The following ANKFN1 variants were observed in gnomAD, a reference collection of about 807,000 sequenced individuals.
ANKFN1 encodes ankyrin repeat and fibronectin type-III domain-containing protein 1.
A neutral mutation model predicts 108.7 loss-of-function variants in ANKFN1; 74 were observed. The observed-to-expected ratio is 0.68, with a 90% confidence interval of 0.56 to 0.83. The LOEUF is 0.83. Ranked by LOEUF, ANKFN1 falls within the 40% of genes least tolerant of loss-of-function variation. The pLI, the probability that ANKFN1 is intolerant of heterozygous loss-of-function variation, is 0.00. For synonymous variants in ANKFN1, 547 were observed against 516.2 expected, an observed-to-expected ratio of 1.06 and a Z score of -0.81; for missense variants, 1,505 against 1,382.3, an observed-to-expected ratio of 1.09 and a Z score of -1.41.
At chr17:56,381,755 G>A (rs537997722) in intron 8 of ANKFN1, among the ~76,000 whole-genome samples, 7 of 152,228 alleles carry the variant, frequency 4.6e-5, no homozygotes, top group East Asian at 3.9e-4. Flanking sequence ...AAAAAGAAAC[G>A]AACAAAGCCT....
chr17:56,382,977 A>G (rs1434503892), intron 8 of ANKFN1, among the ~76,000 whole-genome samples: 1 of 152,182 alleles, frequency 6.6e-6, no homozygotes, highest in Non-Finnish European at 1.5e-5. Context: ...CACCAAGCAG[A>G]CCTAATAGAC....
At chr17:56,193,313 T>G (rs1913170842) in intron 1 of ANKFN1, among the ~76,000 whole-genome samples, 2 of 140,826 alleles carry the variant, frequency 1.4e-5, no homozygotes, top group South Asian at 2.4e-4. Context: ...GATGACGAGT[T>G]AGTGGGTGCA....
At chr17:56,281,471 T>C (rs1263512589) in intron 3 of ANKFN1, among the ~76,000 whole-genome samples, 1 of 152,156 alleles carries the variant, frequency 6.6e-6, no homozygotes, top group Non-Finnish European at 1.5e-5. Context: ...ATAAACCATT[T>C]GCAAAGACTT....
intron 4 of ANKFN1, among the ~76,000 whole-genome samples, chr17:56,102,383 A>T (rs139536884): frequency 6.6e-6 from 1 of 152,236 alleles, no homozygotes; most frequent in Non-Finnish European, 1.5e-5. Flanking sequence ...TCAAGGTGAC[A>T]TTTGTCATAA....
intron 3 of ANKFN1, among the ~76,000 whole-genome samples, chr17:56,322,791 C>T (rs1408391785): frequency 6.6e-6 from 1 of 152,194 alleles, no homozygotes; most frequent in Non-Finnish European, 1.5e-5. Flanking sequence ...TAGCACATTG[C>T]TCATACTTTT....
At chr17:56,423,786 G>C (rs540721351) in intron 8 of ANKFN1, among the ~76,000 whole-genome samples, 44 of 152,148 alleles carry the variant, frequency 2.9e-4, no homozygotes, top group Non-Finnish European at 1.2e-4. Flanking sequence ...GCCTGTTATA[G>C]GGAGCATCAC....
chr17:56,439,650 C>G lies in ANKFN1; in HGVS notation c.911-677C>G, dbSNP rs77721817. Among the ~76,000 whole-genome samples the G allele has an allele frequency of 2.3e-3, 350 of 152,018 alleles. 2 individuals carry two copies. The highest frequency in any genetic ancestry group is 8.0e-3 in the African/African-American group (332 of 41,460). On this transcript the variant is annotated intron_variant, in intron 8 of 20. Coordinates refer to ENST00000682825, the MANE Select transcript of ANKFN1 (RefSeq NM_001370326.1). ...GAAGAAGGAGAGAAGGGGAAGGGAG[C>G]AGTATATAAGGCATTAGGGGAAGAG... is the stretch of plus-strand genomic sequence containing the variant.
At position 56,350,961 on chromosome 17, in the gene ANKFN1, C is replaced by G. The variant is rs1482291012; in HGVS notation, c.384C>G (p.Thr128=). The change falls in exon 5 of 21, where the codon ACC becomes ACG. Residue 128 remains threonine (T), a synonymous_variant. Transcript: ENST00000682825. ...TRTDRLSLRK[T]SVNFQGNEAM... ...CTGATCGGCTGAGTCTCAGGAAGAC[C>G]TCGGTGGTAACAAAACTGTTTTTAT... 6.2e-7 allele frequency: 1 copy of G among 1,613,276 alleles called. No individual in the cohort carries two copies. The highest frequency in any genetic ancestry group is 8.5e-7 in the Non-Finnish European group (1 of 1,179,658).
At chr17:56,456,733 T>C in intron 11 of ANKFN1, 128 bp from the exon 12 acceptor site, 1 of 747,506 alleles carries the variant, frequency 1.3e-6, no homozygotes, top group Non-Finnish European at 2.3e-6. Flanking sequence ...GCAGAATCCC[T>C]ACATGAACCT....
rs971275684 is a variant in ANKFN1 at position 56,199,326 on chromosome 17, A to G, written c.-70-13272A>G. Among the ~76,000 whole-genome samples, 2 of 150,204 alleles carry G rather than the reference A, an allele frequency of 1.3e-5. 1 individual carries two copies. The highest frequency in any genetic ancestry group is 4.2e-4 in the South Asian group (2 of 4,806). ...TGTTTATTTCATACTTTATGACCTT[A>G]CTGAACTCTCTTCTATTCCAACATT... On this transcript the variant is annotated intron_variant, in intron 1 of 20. Transcript: ENST00000682825.
intron 10 of ANKFN1, 69 bp from the exon 11 acceptor site, chr17:56,449,010 T>C (rs1257255268): frequency 5.0e-6 from 7 of 1,389,942 alleles, no homozygotes; most frequent in Non-Finnish European, 7.1e-6. Flanking sequence ...CTCCGGCTCC[T>C]GACGCAGGGC....
chr17:56,505,276 G>A (rs1461901805), intron 20 of ANKFN1, among the ~76,000 whole-genome samples: 1 of 152,190 alleles, frequency 6.6e-6, no homozygotes, highest in Non-Finnish European at 1.5e-5. Flanking sequence ...CTAAGAGACA[G>A]TCAAATATCA....
rs1426426507 is a variant in ANKFN1 at position 56,456,948 on chromosome 17, A to G, written c.1295A>G (p.Lys432Arg). The G allele has an allele frequency of 1.2e-6, 2 of 1,613,678 alleles. No homozygotes were observed. Among genetic ancestry groups the G allele is most frequent in the Non-Finnish European group, 1.7e-6 (2 of 1,179,678 alleles). The change falls in exon 12 of 21, where the codon AAG (lysine) becomes AGG (arginine). Residue 432 changes from lysine to arginine, a missense_variant. Physicochemically the swap from Lys to Arg is conservative, Grantham distance 26 (BLOSUM62 2). Transcript: ENST00000682825. ...TTCCATTCCTCGAACAAGTTTGTGAAGACCTTAAAACGGTGGGTTCTATGT... is the reference window on the plus strand; with the variant it reads ...TTCCATTCCTCGAACAAGTTTGTGAGGACCTTAAAACGGTGGGTTCTATGT... ...HLFHSSNKFV[K>R]TLKRGLYIAV...
intron 4 of ANKFN1, among the ~76,000 whole-genome samples, chr17:56,133,528 C>CTA (rs1555598663): frequency 6.8e-6 from 1 of 146,330 alleles, no homozygotes; most frequent in East Asian, 2.0e-4. Flanking sequence ...ATGTGTATAC[C>CTA]TGTGTGTGTG....
chr17:56,344,582 T>C (rs2046047089), intron 4 of ANKFN1, among the ~76,000 whole-genome samples: 1 of 152,094 alleles, frequency 6.6e-6, no homozygotes, highest in Admixed American at 6.6e-5. Context: ...GACAGAGCTT[T>C]TCAAAGCTCT....
intron 8 of ANKFN1, among the ~76,000 whole-genome samples, chr17:56,375,375 G>A (rs1167772828): frequency 2.0e-5 from 3 of 152,102 alleles, no homozygotes; most frequent in African/African-American, 7.2e-5. Context: ...ACAAGTAGAG[G>A]GAATAGAAAA....
intron 8 of ANKFN1, among the ~76,000 whole-genome samples, chr17:56,386,060 T>C (rs554709406): frequency 1.3e-5 from 2 of 152,234 alleles, no homozygotes; most frequent in Admixed American, 1.3e-4. Flanking sequence ...AGCAAAGACT[T>C]GGAAGCAACC....
At chr17:56,382,129 C>T (rs537982733) in intron 8 of ANKFN1, among the ~76,000 whole-genome samples, 1 of 152,208 alleles carries the variant, frequency 6.6e-6, no homozygotes, top group Non-Finnish European at 1.5e-5. Flanking sequence ...AACAGCGGAT[C>T]TCTCGGCAGA....
chr17:56,238,851 G>A lies in ANKFN1; in HGVS notation c.53+10894G>A, dbSNP rs564811350. Among the ~76,000 whole-genome samples, 3 of 152,278 alleles carry A rather than the reference G, an allele frequency of 2.0e-5. No individual in the cohort carries two copies. The South Asian group carries it at 6.2e-4, about 32-fold the overall frequency. On this transcript the variant is annotated intron_variant, in intron 3 of 20. Transcript: ENST00000682825. The stretch of plus-strand genomic sequence containing the variant: ...TCCCCGGCAAACTGGTACAAATCTA[G>A]CATAACACTGGTCCTTCCTCTTTAG...
Sources: allele counts gnomAD v4.1 joint callset (sites outside exome capture counted in the v4.1 genomes callset), GRCh38; gene constraint gnomAD v4.1.1; transcripts MANE v1.5; gene names NCBI Gene and HGNC (gene_info 2026-07-23, HGNC 2026-07-21).